SLC2A9: variants seen among roughly 807,000 people sequenced by gnomAD.
SLC2A9 encodes the protein solute carrier family 2 member 9.
A neutral mutation model predicts 50.6 loss-of-function variants in SLC2A9; 39 were observed. That is an observed-to-expected ratio of 0.77 (90% CI 0.60 to 1.01). SLC2A9 has a LOEUF of 1.01. Ranked by LOEUF, SLC2A9 falls within the 50% of genes least tolerant of loss-of-function variation. The probability of loss-of-function intolerance (pLI) is 0.00; values close to 1 mark genes in which losing one functional copy is unlikely to be tolerated. For synonymous variants in SLC2A9, 324 were observed against 276.9 expected, an observed-to-expected ratio of 1.17 and a Z score of -1.69; for missense variants, 686 against 677.6, an observed-to-expected ratio of 1.01 and a Z score of -0.14.
intron 10 of SLC2A9, among the ~76,000 whole-genome samples, chr4:9,841,107 T>C (rs1378190740): frequency 6.6e-6 from 1 of 152,232 alleles, no homozygotes; most frequent in African/African-American, 2.4e-5. Flanking sequence ...CCAAATCATA[T>C]TCTGGTGTTG....
intron 5 of SLC2A9, among the ~76,000 whole-genome samples, chr4:9,973,296 G>C (rs1408209627): frequency 1.3e-5 from 2 of 152,112 alleles, no homozygotes; most frequent in African/African-American, 2.4e-5. Context: ...AATTGAAGGA[G>C]TAATAAAAAA....
intron 3 of SLC2A9, among the ~76,000 whole-genome samples, chr4:9,801,776 G>C (rs1278204736): frequency 6.6e-6 from 1 of 152,212 alleles, no homozygotes; most frequent in Non-Finnish European, 1.5e-5. Context: ...GTGAATCTAA[G>C]TTATCTAAGT....
chr4:9,958,572 A>G (rs13145108), intron 5 of SLC2A9, among the ~76,000 whole-genome samples: 9,659 of 152,246 alleles, frequency 0.063, 777 homozygotes, highest in East Asian at 0.46. Context: ...ACAAACCACT[A>G]TGGCACATGT....
At chr4:9,938,601 G>T (rs930306782) in intron 6 of SLC2A9, among the ~76,000 whole-genome samples, 3 of 152,128 alleles carry the variant, frequency 2.0e-5, no homozygotes, top group Admixed American at 1.3e-4. Context: ...GTCTTTATGT[G>T]CACGTTATGT....
At chr4:9,797,154 C>A (rs1439747776), downstream of SLC2A9, among the ~76,000 whole-genome samples, 1 of 152,176 alleles carries the variant, frequency 6.6e-6, no homozygotes, top group Non-Finnish European at 1.5e-5. Flanking sequence ...CTGCTCTCTG[C>A]TCTCAAGGGT....
intron 5 of SLC2A9, among the ~76,000 whole-genome samples, chr4:9,958,842 G>C (rs1478031370): frequency 6.6e-6 from 1 of 151,522 alleles, no homozygotes; most frequent in Non-Finnish European, 1.5e-5. Flanking sequence ...ATATACTTAA[G>C]AATTTTGTAA....
At chr4:9,920,758 G>T (rs576685157) in intron 6 of SLC2A9, among the ~76,000 whole-genome samples, 186 bp from the exon 7 acceptor site, 1 of 152,326 alleles carries the variant, frequency 6.6e-6, no homozygotes, top group South Asian at 2.1e-4. Context: ...CAGAGGCCCA[G>T]AGAGATGCCA....
chr4:9,967,570 AC>A (rs1338391968), intron 5 of SLC2A9, among the ~76,000 whole-genome samples: 5 of 151,964 alleles, frequency 3.3e-5, no homozygotes, highest in Admixed American at 2.0e-4. Context: ...CAAAATATGT[AC>A]TTCATTTAAA....
chr4:9,964,052 G>A (rs913352502), intron 5 of SLC2A9, among the ~76,000 whole-genome samples: 2 of 152,162 alleles, frequency 1.3e-5, no homozygotes, highest in African/African-American at 4.8e-5. Context: ...CATCCTGGGA[G>A]GTCTAAACCC....
intron 3 of SLC2A9, among the ~76,000 whole-genome samples, chr4:9,991,495 T>C (rs1757710263): frequency 6.6e-6 from 1 of 152,100 alleles, no homozygotes; most frequent in African/African-American, 2.4e-5. Flanking sequence ...GGGGCCATCT[T>C]GCACCTCCAC....
intron 7 of SLC2A9, among the ~76,000 whole-genome samples, chr4:9,911,595 G>A (rs1246967899): frequency 6.6e-6 from 1 of 152,218 alleles, no homozygotes; most frequent in African/African-American, 2.4e-5. Context: ...AGCGTGGCAG[G>A]AGCAGCAGTT....
chr4:9,941,761 T>G, intron 6 of SLC2A9, 152 bp downstream of exon 6: 21 of 1,099,912 alleles, frequency 1.9e-5, no homozygotes, highest in Non-Finnish European at 2.8e-5. Context: ...GAAGATGAAA[T>G]GAGAAGGTAC....
chr4:9,826,653 G>A, intron 11 of SLC2A9, 53 bp from the exon 12 acceptor site: 1 of 1,532,072 alleles, frequency 6.5e-7, no homozygotes, highest in Non-Finnish European at 9.0e-7. Flanking sequence ...TAAACTTGCT[G>A]TTAAACCATC....
intron 10 of SLC2A9, among the ~76,000 whole-genome samples, chr4:9,853,881 G>A (rs558359670): frequency 6.6e-6 from 1 of 152,212 alleles, no homozygotes; most frequent in African/African-American, 2.4e-5. Context: ...TAAACAACAT[G>A]CTCCTGAATG....
rs1719409925 is a variant in SLC2A9, at chr4:9,787,752, C to G, written n.386-7687G>C. The stretch of plus-strand genomic sequence containing the variant: ...GCTACTTGGTAGACTTGTCCTTCAA[C>G]TTGGGTTTTTTGGTGCTTTTCCATG... On this transcript the variant is annotated intron_variant and non_coding_transcript_variant, in intron 3 of 3. Transcript: ENST00000503803. 2.6e-5 allele frequency among the ~76,000 whole-genome samples: 4 copies of G among 152,118 alleles called. No homozygotes were observed. In the South Asian group the frequency reaches 8.3e-4, roughly 32 times the overall value.
chr4:9,983,429 T>C (rs191303029), intron 4 of SLC2A9, among the ~76,000 whole-genome samples: 11 of 152,350 alleles, frequency 7.2e-5, no homozygotes, highest in Admixed American at 6.5e-4. Flanking sequence ...ACTTTCTCCT[T>C]TGGCTGCTGT....
chr4:9,986,267 G>A (rs902244643), intron 3 of SLC2A9, among the ~76,000 whole-genome samples: 1 of 152,208 alleles, frequency 6.6e-6, no homozygotes, highest in Non-Finnish European at 1.5e-5. Flanking sequence ...GGGCATGGAG[G>A]AGGGCCCCGA....
intron 1 of SLC2A9, among the ~76,000 whole-genome samples, chr4:10,033,686 C>T (rs1411866500): frequency 2.0e-5 from 3 of 152,208 alleles, no homozygotes; most frequent in African/African-American, 4.8e-5. Context: ...TGAGCAAGCT[C>T]TCTGCACTCG....
intron 3 of SLC2A9, among the ~76,000 whole-genome samples, chr4:9,994,507 C>T (rs1758274026): frequency 6.6e-6 from 1 of 151,832 alleles, no homozygotes; most frequent in Admixed American, 6.5e-5. Flanking sequence ...ATGACTCCTC[C>T]ATTACTTAGA....
Sources: gnomAD v4.1 joint callset for allele counts (sites outside exome capture counted in the v4.1 genomes callset) on GRCh38, gnomAD v4.1.1 for gene constraint, MANE v1.5 for transcripts, NCBI Gene and HGNC (gene_info 2026-07-23, HGNC 2026-07-21) for gene names.